Variants in MOCOS observed in about 807,000 individuals in gnomAD.
The protein encoded by MOCOS is human molybdenum cofactor sulfurase.
A neutral mutation model predicts 83.6 loss-of-function variants in MOCOS; 86 were observed. The observed-to-expected ratio is 1.03, with a 90% confidence interval of 0.86 to 1.23. The LOEUF is 1.23. Ranked by LOEUF, MOCOS falls within the 50% of genes most tolerant of loss-of-function variation. The pLI, the probability that MOCOS is intolerant of heterozygous loss-of-function variation, is 0.00. For missense variants in MOCOS, 1,120 were observed against 1,126.9 expected (o/e 0.99, Z 0.09); for synonymous variants, 445 against 434.7 (o/e 1.02, Z -0.29).
intron 13 of MOCOS, 77 bp from the exon 14 acceptor site, chr18:36,266,672 T>C (rs544360719): frequency 4.8e-6 from 6 of 1,254,810 alleles, no homozygotes; most frequent in Non-Finnish European, 5.8e-6. Context: ...TGGGCATTTC[T>C]GTGTGATTCC....
chr18:36,246,309 A>C (rs1161629531), intron 9 of MOCOS, among the ~76,000 whole-genome samples: 2 of 152,210 alleles, frequency 1.3e-5, no homozygotes, highest in African/African-American at 2.4e-5. Context: ...CTTTTGTCCC[A>C]GGGGTGCTCC....
intron 1 of MOCOS, among the ~76,000 whole-genome samples, chr18:36,193,546 C>T (rs1208431178): frequency 6.6e-6 from 1 of 151,968 alleles, no homozygotes; most frequent in African/African-American, 2.4e-5. Flanking sequence ...TGCAAAAGAA[C>T]GAACTTGGAC....
chr18:36,255,570 G>C (rs1395857210), intron 11 of MOCOS, among the ~76,000 whole-genome samples: 1 of 152,162 alleles, frequency 6.6e-6, no homozygotes, highest in Non-Finnish European at 1.5e-5. Context: ...GAAAGAGGAA[G>C]GGTCTTTGTG....
chr18:36,237,235 T>A (rs1444837988), intron 9 of MOCOS, among the ~76,000 whole-genome samples: 2 of 147,388 alleles, frequency 1.4e-5, no homozygotes. Context: ...ATGCTTCCAG[T>A]TTTTGCCCAT....
chr18:36,197,748 G>A (rs2091395057), intron 2 of MOCOS, among the ~76,000 whole-genome samples: 1 of 151,896 alleles, frequency 6.6e-6, no homozygotes, highest in African/African-American at 2.4e-5. Flanking sequence ...CTCCAGCCTG[G>A]GTGATAGAGT....
intron 12 of MOCOS, among the ~76,000 whole-genome samples, 180 bp downstream of exon 12, chr18:36,257,253 T>A (rs1190202329): frequency 2.0e-5 from 3 of 152,192 alleles, no homozygotes; most frequent in Non-Finnish European, 1.5e-5. Flanking sequence ...CTTCCATTCA[T>A]CTTTATAGAG....
At chr18:36,248,475 A>C (rs1395042003) in intron 9 of MOCOS, among the ~76,000 whole-genome samples, 1 of 152,102 alleles carries the variant, frequency 6.6e-6, no homozygotes, top group Non-Finnish European at 1.5e-5. Context: ...TTGGCTTTTG[A>C]GGCTGATGCT....
rs58435154 is a variant in MOCOS at position 36,214,268 on chromosome 18, GAA to G, written c.1335+793_1335+794del. Among the ~76,000 whole-genome samples, 10 of 134,938 alleles carry G rather than the reference GAA, an allele frequency of 7.4e-5. No homozygotes were observed. The East Asian group carries it at 1.5e-3, about 20-fold the overall frequency. 88.5% of individuals were successfully genotyped at this position (134,938 alleles called of 152,430 possible). On this transcript the variant is annotated intron_variant, in intron 7 of 14. Transcript: ENST00000261326. The stretch of plus-strand genomic sequence containing the variant: ...TCAAAAAAAAAAAAAAAAAAGAAAA[GAA>G]AAAAAAGAAAATGCTTCAAGATATT...
chr18:36,266,723 G>A (rs1185935808), intron 13 of MOCOS, 26 bp from the exon 14 acceptor site: 40 of 1,599,618 alleles, frequency 2.5e-5, no homozygotes, highest in Non-Finnish European at 3.4e-5. Flanking sequence ...TTGTGGCAAC[G>A]CTGTGTTTTC....
At chr18:36,215,426 A>T in intron 7 of MOCOS, 90 bp from the exon 8 acceptor site, 1 of 1,275,882 alleles carries the variant, frequency 7.8e-7, no homozygotes, top group East Asian at 2.5e-5. Flanking sequence ...GGTTAATTTT[A>T]AAATTAACAA....
At chr18:36,250,883 G>A (rs1268910894) in intron 10 of MOCOS, among the ~76,000 whole-genome samples, 1 of 152,136 alleles carries the variant, frequency 6.6e-6, no homozygotes, top group Non-Finnish European at 1.5e-5. Flanking sequence ...AGCATTCTAA[G>A]CTTTGTGGTT....
At chr18:36,241,340 G>A (rs2091582044) in intron 9 of MOCOS, among the ~76,000 whole-genome samples, 1 of 152,184 alleles carries the variant, frequency 6.6e-6, no homozygotes, top group African/African-American at 2.4e-5. Context: ...TTAAATGGGA[G>A]AAATTGGCCA....
chr18:36,237,492 A>G (rs2091563879), intron 9 of MOCOS, among the ~76,000 whole-genome samples: 2 of 152,188 alleles, frequency 1.3e-5, no homozygotes, highest in East Asian at 1.9e-4. Context: ...CCAGTTGATC[A>G]TGGTGGATAA....
intron 11 of MOCOS, among the ~76,000 whole-genome samples, chr18:36,252,799 A>T (rs1202028330): frequency 6.6e-6 from 1 of 152,224 alleles, no homozygotes. Flanking sequence ...GGCCCTGCAT[A>T]GTTTAACCTA....
chr18:36,226,917 T>G (rs1440751487), intron 9 of MOCOS, among the ~76,000 whole-genome samples: 1 of 151,010 alleles, frequency 6.6e-6, no homozygotes, highest in Non-Finnish European at 1.5e-5. Flanking sequence ...GACAGGGTCT[T>G]GCTCTGTTGC....
At chr18:36,227,579 A>G (rs1462688427) in intron 9 of MOCOS, among the ~76,000 whole-genome samples, 3 of 152,036 alleles carry the variant, frequency 2.0e-5, no homozygotes, top group Admixed American at 6.6e-5. Context: ...TATTTTTAGT[A>G]GAGATGGGGT....
intron 9 of MOCOS, among the ~76,000 whole-genome samples, chr18:36,237,445 C>T (rs945642193): frequency 2.6e-5 from 4 of 152,094 alleles, no homozygotes; most frequent in Non-Finnish European, 5.9e-5. Flanking sequence ...TATTGATTTG[C>T]ATATATTGAA....
chr18:36,230,670 T>C (rs1014175929), intron 9 of MOCOS, among the ~76,000 whole-genome samples: 1 of 152,174 alleles, frequency 6.6e-6, no homozygotes, highest in Non-Finnish European at 1.5e-5. Flanking sequence ...GGGAGCTCTC[T>C]TGGAAAGGTT....
At chr18:36,215,395 T>C in intron 7 of MOCOS, 121 bp from the exon 8 acceptor site, 1 of 897,416 alleles carries the variant, frequency 1.1e-6, no homozygotes, top group Non-Finnish European at 1.8e-6. Flanking sequence ...CACATATTAA[T>C]GTTGCAGTTC....
Sources: allele counts gnomAD v4.1 joint callset (sites outside exome capture counted in the v4.1 genomes callset), GRCh38; gene constraint gnomAD v4.1.1; transcripts MANE v1.5; gene names NCBI Gene and HGNC (gene_info 2026-07-23, HGNC 2026-07-21).